Variants in RNF180 observed in about 807,000 individuals in gnomAD.
RNF180 encodes E3 ubiquitin-protein ligase RNF180.
In RNF180, 38 loss-of-function variants were observed where a neutral mutation model predicts 59.2. The ratio of observed to expected loss-of-function variants is 0.64; its 90% CI spans 0.50 to 0.84. RNF180 has a LOEUF of 0.84. Ranked by LOEUF, RNF180 falls within the 40% of genes least tolerant of loss-of-function variation. The probability of loss-of-function intolerance (pLI) is 0.00; values close to 1 mark genes in which losing one functional copy is unlikely to be tolerated. For missense variants in RNF180, 705 were observed against 700.9 expected, an observed-to-expected ratio of 1.01 and a Z score of -0.07; for synonymous variants, 262 against 240.3, an observed-to-expected ratio of 1.09 and a Z score of -0.84.
At chr5:64,286,337 CAT>C (rs1742281114) in intron 5 of RNF180, among the ~76,000 whole-genome samples, 1 of 152,086 alleles carries the variant, frequency 6.6e-6, no homozygotes, top group Non-Finnish European at 1.5e-5. Flanking sequence ...TATATAAAGA[CAT>C]AAGTTTCAAG....
rs985608240 is a variant in RNF180, at chr5:64,372,830, T to A, written c.*3016T>A. 2 of 151,948 alleles carry A rather than the reference T, an allele frequency of 1.3e-5. No individual in the cohort carries two copies. Among genetic ancestry groups the A allele is most frequent in the African/African-American group, 4.8e-5 (2 of 41,436 alleles). 9.4% of individuals were successfully genotyped at this position (151,948 alleles called of 1,614,324 possible). ...TCGAAGAACATTAAAGTTCTACCAATGTAGAAGCATGAGGAATAAAAGATG... is the reference window on the plus strand; with the variant it reads ...TCGAAGAACATTAAAGTTCTACCAAAGTAGAAGCATGAGGAATAAAAGATG... On this transcript the variant is annotated 3_prime_UTR_variant, in exon 8 of 8. Coordinates refer to ENST00000389100, the MANE Select transcript of RNF180 (RefSeq NM_001113561.2).
intron 5 of RNF180, among the ~76,000 whole-genome samples, chr5:64,299,065 T>C (rs1029833093): frequency 6.6e-6 from 1 of 151,854 alleles, no homozygotes. Flanking sequence ...TAAACAGAAT[T>C]AGTGTCTTTT....
At chr5:64,350,101 C>T (rs1745734971) in intron 7 of RNF180, among the ~76,000 whole-genome samples, 1 of 152,094 alleles carries the variant, frequency 6.6e-6, no homozygotes, top group Non-Finnish European at 1.5e-5. Context: ...TTTTAATGAT[C>T]ACCATTCTAA....
At chr5:64,266,393 C>G (rs1006477338) in intron 5 of RNF180, among the ~76,000 whole-genome samples, 7 of 141,064 alleles carry the variant, frequency 5.0e-5, no homozygotes, top group African/African-American at 1.8e-4. Flanking sequence ...TTGGTTATAA[C>G]TATAATAGTT....
intron 7 of RNF180, among the ~76,000 whole-genome samples, chr5:64,342,165 A>C (rs139034839): frequency 7.8e-4 from 119 of 152,270 alleles, no homozygotes; most frequent in African/African-American, 2.7e-3. Flanking sequence ...GTGGCAAGCG[A>C]TCACTCTCAG....
chr5:64,319,208 A>C (rs773057540), intron 5 of RNF180, among the ~76,000 whole-genome samples: 12 of 152,052 alleles, frequency 7.9e-5, no homozygotes, highest in Non-Finnish European at 1.6e-4. Flanking sequence ...ATCTATAAAA[A>C]GGTTACCTTG....
chr5:64,229,573 A>G (rs1020159354), intron 5 of RNF180, among the ~76,000 whole-genome samples: 4 of 152,218 alleles, frequency 2.6e-5, no homozygotes, highest in Admixed American at 1.3e-4. Flanking sequence ...GAATCTGTCA[A>G]TGCTTTTGCT....
intron 7 of RNF180, among the ~76,000 whole-genome samples, chr5:64,351,522 A>G (rs1305968266): frequency 1.3e-5 from 2 of 152,112 alleles, no homozygotes; most frequent in South Asian, 2.1e-4. Context: ...CCCATTCAGT[A>G]TGATATTGGC....
chr5:64,341,700 T>A (rs1464275673), intron 7 of RNF180, among the ~76,000 whole-genome samples: 1 of 152,116 alleles, frequency 6.6e-6, no homozygotes, highest in African/African-American at 2.4e-5. Context: ...AGTAGAGTAC[T>A]CTTGGGGGTG....
intron 7 of RNF180, among the ~76,000 whole-genome samples, chr5:64,339,877 AATAC>A (rs1745290668): frequency 6.6e-6 from 1 of 152,196 alleles, no homozygotes; most frequent in African/African-American, 2.4e-5. Context: ...TCTTCTTACA[AATAC>A]ATATTTCATG....
chr5:64,219,965 T>C (rs1032051112), intron 5 of RNF180, among the ~76,000 whole-genome samples: 6 of 152,192 alleles, frequency 3.9e-5, no homozygotes, highest in Non-Finnish European at 8.8e-5. Context: ...TCATATGGGG[T>C]AAATTTTGAT....
At chr5:64,282,811 A>G (rs1336324450) in intron 5 of RNF180, among the ~76,000 whole-genome samples, 1 of 152,124 alleles carries the variant, frequency 6.6e-6, no homozygotes, top group African/African-American at 2.4e-5. Context: ...ATGTGACTAT[A>G]TGCTTTTCAT....
chr5:64,325,270 G>GTTT lies in RNF180; in HGVS notation c.1313_1315dup (p.Val438_Tyr439insPhe), dbSNP rs1208257465. The GTTT allele has an allele frequency of 6.4e-7, 1 of 1,551,314 alleles. No homozygotes were observed. The highest frequency in any genetic ancestry group is 8.7e-7 in the Non-Finnish European group (1 of 1,146,778). ...CTACATCTGTGCAGTGTGTCTGGAC[G>GTTT]TTTATTTCAACCCTTATATGTGTTA... On this transcript the variant is annotated inframe_insertion, in exon 6 of 8. Transcript: ENST00000389100.
intron 5 of RNF180, among the ~76,000 whole-genome samples, chr5:64,306,835 GA>G (rs1156793429): frequency 6.6e-6 from 1 of 150,546 alleles, no homozygotes; most frequent in Non-Finnish European, 1.5e-5. Flanking sequence ...GGGGTGGGGG[GA>G]GGAGGGAGGG....
At position 64,214,522 on chromosome 5, in the gene RNF180, TA is replaced by T. The variant is rs770786450; in HGVS notation, c.1191+6del. 9.3e-6 allele frequency: 15 copies of T among 1,605,558 alleles called. No individual in the cohort carries two copies. Among genetic ancestry groups the T allele is most frequent in the Non-Finnish European group, 6.8e-6 (8 of 1,175,304 alleles). On this transcript the variant is annotated splice_donor_region_variant and intron_variant, in intron 4 of 7. Transcript: ENST00000389100. ...GAAAGATGGCTACAGAAGCAGGTAATATTTTTCAAAAGAGTTTACTAAAAAT... is the reference window on the plus strand; with the variant it reads ...GAAAGATGGCTACAGAAGCAGGTAATTTTTTCAAAAGAGTTTACTAAAAAT...
At chr5:64,237,251 C>A (rs1045060983) in intron 5 of RNF180, among the ~76,000 whole-genome samples, 3 of 152,234 alleles carry the variant, frequency 2.0e-5, no homozygotes, top group African/African-American at 7.2e-5. Flanking sequence ...CCACTCATTG[C>A]ATCAGCATGC....
chr5:64,201,568 C>T (rs1751750772), intron 2 of RNF180, among the ~76,000 whole-genome samples: 1 of 152,176 alleles, frequency 6.6e-6, no homozygotes, highest in Non-Finnish European at 1.5e-5. Flanking sequence ...ACTGTAATCA[C>T]CTGTCATTGT....
intron 5 of RNF180, among the ~76,000 whole-genome samples, chr5:64,271,546 A>C (rs1741399295): frequency 6.6e-6 from 1 of 152,026 alleles, no homozygotes; most frequent in Non-Finnish European, 1.5e-5. Flanking sequence ...TATACTATCT[A>C]AGTTTGTGTA....
intron 5 of RNF180, among the ~76,000 whole-genome samples, chr5:64,274,538 G>A (rs900671603): frequency 2.0e-5 from 3 of 151,886 alleles, no homozygotes; most frequent in Non-Finnish European, 4.4e-5. Flanking sequence ...AAGCAATTCT[G>A]TGGGGCCAGT....
Sources: gnomAD v4.1 joint callset for allele counts (sites outside exome capture counted in the v4.1 genomes callset) on GRCh38, gnomAD v4.1.1 for gene constraint, MANE v1.5 for transcripts, NCBI Gene and HGNC (gene_info 2026-07-23, HGNC 2026-07-21) for gene names.